Variants in NPEPPS observed in about 807,000 individuals in gnomAD.
NPEPPS encodes puromycin-sensitive aminopeptidase.
NPEPPS carries 14 observed loss-of-function variants against 115.5 expected under a neutral mutation model. The observed-to-expected ratio is 0.12, with a 90% CI of 0.08 to 0.19. The LOEUF is 0.19. Ranked by LOEUF, NPEPPS falls within the 10% of genes least tolerant of loss-of-function variation. The pLI, the probability that NPEPPS is intolerant of heterozygous loss-of-function variation, is 1.00. For synonymous variants in NPEPPS, 285 were observed against 390.6 expected, an observed-to-expected ratio of 0.73 and a Z score of 3.19; for missense variants, 523 against 1,110.8, an observed-to-expected ratio of 0.47 and a Z score of 7.52.
intron 1 of NPEPPS, among the ~76,000 whole-genome samples, chr17:47,538,455 C>T (rs1908492136): frequency 6.6e-6 from 1 of 151,190 alleles, no homozygotes; most frequent in South Asian, 2.1e-4. Context: ...CTCAGGTGAT[C>T]CGCCTGCCTC....
chr17:47,562,573 C>T (rs1910498936), intron 2 of NPEPPS, among the ~76,000 whole-genome samples: 3 of 151,200 alleles, frequency 2.0e-5, no homozygotes. Context: ...TTATCATGCT[C>T]AAGTATTAAT....
intron 1 of NPEPPS, among the ~76,000 whole-genome samples, chr17:47,536,885 G>T (rs1161938461): frequency 6.6e-6 from 1 of 151,184 alleles, no homozygotes; most frequent in African/African-American, 2.4e-5. Flanking sequence ...CTAATTTTTT[G>T]TATTTTTAGT....
At chr17:47,539,135 C>G (rs1908567091) in intron 1 of NPEPPS, among the ~76,000 whole-genome samples, 1 of 140,144 alleles carries the variant, frequency 7.1e-6, no homozygotes, top group African/African-American at 2.6e-5. Flanking sequence ...TTTTTAGCCT[C>G]CTGGTTCTAG....
chr17:47,545,615 C>A (rs949460173), intron 1 of NPEPPS, among the ~76,000 whole-genome samples: 1 of 152,150 alleles, frequency 6.6e-6, no homozygotes, highest in South Asian at 2.1e-4. Flanking sequence ...GCTGCACAAT[C>A]ACAGCTTATT....
At chr17:47,542,075 G>T (rs9901319) in intron 1 of NPEPPS, among the ~76,000 whole-genome samples, 1 of 152,034 alleles carries the variant, frequency 6.6e-6, no homozygotes, top group Non-Finnish European at 1.5e-5. Flanking sequence ...TGCAGATATC[G>T]TACTACTCTG....
chr17:47,528,717 C>T (rs1246158478), upstream of NPEPPS, among the ~76,000 whole-genome samples: 4 of 152,098 alleles, frequency 2.6e-5, no homozygotes, highest in South Asian at 2.1e-4. Flanking sequence ...CTGCAACCTC[C>T]GCCTTCTGGG....
rs1281562303 is a variant in NPEPPS at position 47,587,222 on chromosome 17, A to G, written c.981-8A>G. The stretch of plus-strand genomic sequence containing the variant: ...AAATTTGTTTCTTTTTTTTTTTTTT[A>G]AACACAGGGAGACTGCATTGCTTAT... On this transcript the variant is annotated splice_region_variant and splice_polypyrimidine_tract_variant and intron_variant, in intron 8 of 22. Coordinates refer to ENST00000322157, the MANE Select transcript of NPEPPS (RefSeq NM_006310.4). The G allele has an allele frequency of 2.0e-6, 3 of 1,527,694 alleles. No homozygotes were observed. Among genetic ancestry groups the G allele is most frequent in the Non-Finnish European group, 1.7e-6 (2 of 1,144,614 alleles). 94.6% of individuals were successfully genotyped at this position (1,527,694 alleles called of 1,614,324 possible).
At chr17:47,548,390 A>C (rs2143722569) in intron 2 of NPEPPS, 1 of 152,148 alleles carries the variant, frequency 6.6e-6, no homozygotes, top group South Asian at 2.1e-4. Context: ...TACTTTAGCC[A>C]GGTATATCAA....
intron 1 of NPEPPS, among the ~76,000 whole-genome samples, chr17:47,525,464 C>G (rs1346218041): frequency 1.3e-5 from 2 of 152,166 alleles, no homozygotes; most frequent in Non-Finnish European, 2.9e-5. Flanking sequence ...CTGCCTCAGC[C>G]TCCCGAGTAG....
At position 47,619,748 on chromosome 17, in the gene NPEPPS, G is replaced by C. The variant is rs369531389; in HGVS notation, c.2571G>C (p.Glu857Asp). The change falls in exon 22 of 23, where the codon GAG becomes GAC. Residue 857 changes from glutamate (E) to aspartate (D), a missense_variant. Physicochemically the swap from Glu to Asp is conservative, Grantham distance 45. This residue lies in a region of NPEPPS where 372 missense variants were observed against 542.6 expected (regional missense o/e 0.69). Transcript: ENST00000322157. ...LISRLIKLSV[E>D]GFAVDKMAGE... ...CCATTGTTTTGCAGCTATCAGTTGA[G>C]GGATTTGCAGTTGATAAAATGGCTG... 1.9e-6 allele frequency: 3 copies of C among 1,613,510 alleles called. No homozygotes were observed. The African/African-American group carries it at 4.0e-5, about 22-fold the overall frequency.
Position 47,601,643 on chromosome 17 carries a change from A to C in NPEPPS, c.1636A>C (p.Ile546Leu). 1 of 1,612,652 alleles carries C rather than the reference A, an allele frequency of 6.2e-7. No individual in the cohort carries two copies. Among genetic ancestry groups the C allele is most frequent in the Non-Finnish European group, 8.5e-7 (1 of 1,179,536 alleles). Residue 546 changes from isoleucine (I) to leucine (L), a missense_variant, in exon 15 of 23, where the codon ATC becomes CTC. Ile to Leu is a conservative substitution (Grantham distance 5). Coordinates refer to ENST00000322157, the MANE Select transcript of NPEPPS (RefSeq NM_006310.4). Reference protein sequence around the residue: ...DCPQWMVPITISTSEDPNQAK... With the variant: ...DCPQWMVPITLSTSEDPNQAK... ...TCCCCAGTGGATGGTCCCTATCACA[A>C]TCTCTACTAGTGAAGACCCCAACCA...
At chr17:47,584,915 C>T (rs1912093465) in intron 5 of NPEPPS, among the ~76,000 whole-genome samples, 1 of 152,106 alleles carries the variant, frequency 6.6e-6, no homozygotes, top group Non-Finnish European at 1.5e-5. Flanking sequence ...GCAAGCTCCG[C>T]CTCCCTAGTT....
intron 17 of NPEPPS, among the ~76,000 whole-genome samples, chr17:47,610,537 C>G (rs1456164869): frequency 6.6e-6 from 1 of 151,886 alleles, no homozygotes; most frequent in Non-Finnish European, 1.5e-5. Flanking sequence ...GTGCACGCCA[C>G]CACGCCCAGC....
At chr17:47,526,487 G>T (rs1907437378), upstream of NPEPPS, among the ~76,000 whole-genome samples, 1 of 152,236 alleles carries the variant, frequency 6.6e-6, no homozygotes, top group Admixed American at 6.5e-5. Context: ...CATTAAACCG[G>T]TTAGCTTGTT....
At chr17:47,527,828 A>C (rs1163417582), upstream of NPEPPS, among the ~76,000 whole-genome samples, 2 of 152,108 alleles carry the variant, frequency 1.3e-5, no homozygotes, top group African/African-American at 4.8e-5. Flanking sequence ...GGGCACCTAT[A>C]ATCCCAGCTA....
chr17:47,619,877 GC>G, intron 22 of NPEPPS, 93 bp downstream of exon 22: 2 of 996,274 alleles, frequency 2.0e-6, no homozygotes, highest in Non-Finnish European at 3.2e-6. Context: ...ATGTACTGTA[GC>G]ATCTCTGTGT....
rs767865517 is a variant in NPEPPS, at chr17:47,618,430, T to A, written c.2376T>A (p.Ile792=). The part of the protein sequence containing the change: ...VLGATLLPDL[I]QKVLTFALSE... Reference sequence around the variant, plus strand: ...GCGCTACTCTTTTGCCTGACCTGATTCAAAAAGTCCTCACGTTTGCACTTT... The same window carrying A: ...GCGCTACTCTTTTGCCTGACCTGATACAAAAAGTCCTCACGTTTGCACTTT... The change falls in exon 20 of 23, where the codon ATT becomes ATA. Residue 792 remains isoleucine (I), a synonymous_variant. Coordinates refer to ENST00000322157, the MANE Select transcript of NPEPPS (RefSeq NM_006310.4). 1 of 1,613,740 alleles carries A rather than the reference T, an allele frequency of 6.2e-7. No individual in the cohort carries two copies. The highest frequency in any genetic ancestry group is 1.3e-5 in the African/African-American group (1 of 75,010).
At chr17:47,563,312 G>A (rs1469081415) in intron 2 of NPEPPS, among the ~76,000 whole-genome samples, 5 of 152,096 alleles carry the variant, frequency 3.3e-5, no homozygotes, top group East Asian at 3.9e-4. Flanking sequence ...GATTACAGGC[G>A]TGAGCCACCA....
At chr17:47,540,156 CCTTA>C (rs1476449775) in intron 1 of NPEPPS, among the ~76,000 whole-genome samples, 3 of 152,018 alleles carry the variant, frequency 2.0e-5, no homozygotes, top group South Asian at 4.2e-4. Flanking sequence ...TTGGTACAGC[CCTTA>C]CTTAGTATTT....
Sources: allele counts gnomAD v4.1 joint callset (sites outside exome capture counted in the v4.1 genomes callset), GRCh38; gene constraint gnomAD v4.1.1; regional missense constraint gnomAD v4.1.1; transcripts MANE v1.5; gene names NCBI Gene and HGNC (gene_info 2026-07-23, HGNC 2026-07-21).